Variants in SAG observed in about 807,000 individuals in gnomAD.
SAG encodes the protein S-antigen visual arrestin, also known as S-arrestin.
SAG carries 45 observed loss-of-function variants against 55.0 expected under a neutral mutation model. That is an observed-to-expected ratio of 0.82 (90% CI 0.64 to 1.05). The LOEUF (loss-of-function observed/expected upper bound fraction) is 1.05. Ranked by LOEUF, SAG falls within the 50% of genes least tolerant of loss-of-function variation. The pLI is 0.00. For missense variants in SAG, 455 were observed against 512.1 expected (o/e 0.89, Z 1.08); for synonymous variants, 189 against 197.4 (o/e 0.96, Z 0.36).
At chr2:233,341,679 G>A (rs530506363) in intron 13 of SAG, among the ~76,000 whole-genome samples, 106 of 152,350 alleles carry the variant, frequency 7.0e-4, no homozygotes, top group Non-Finnish European at 1.2e-3. Context: ...TAGTGGTTAT[G>A]CCAGGGACTA....
intron 4 of SAG, 115 bp from the exon 5 acceptor site, chr2:233,320,515 C>A: frequency 1.3e-6 from 1 of 746,288 alleles, no homozygotes; most frequent in South Asian, 2.0e-5. Flanking sequence ...CAATCCCAGC[C>A]CCTATCCCCT....
Position 233,328,602 on chromosome 2 carries a change from C to G in SAG, c.637C>G (p.Leu213Val), listed in dbSNP as rs1189373881. The change falls in exon 8 of 16, where the codon CTC (leucine) becomes GTC (valine). Residue 213 changes from leucine (L) to valine (V), a missense_variant. Coordinates refer to ENST00000409110, the MANE Select transcript of SAG (RefSeq NM_000541.5). ...CAAGCCCCTGCACCTTGCGGTCTCT[C>G]TCAACAAAGAGGTAACCACCTACCA... ...SDKPLHLAVS[L>V]NKEIYFHGEP... 2 of 1,611,680 alleles carry G rather than the reference C, an allele frequency of 1.2e-6. No homozygotes were observed. Among genetic ancestry groups the G allele is most frequent in the Admixed American group, 3.3e-5 (2 of 59,810 alleles).
At chr2:233,317,403 AC>A (rs1359784022) in intron 3 of SAG, among the ~76,000 whole-genome samples, 3 of 152,228 alleles carry the variant, frequency 2.0e-5, no homozygotes, top group Non-Finnish European at 4.4e-5. Flanking sequence ...ATTGGGAGAA[AC>A]TGGATGAAGG....
chr2:233,343,624 A>G lies in SAG; in HGVS notation c.1102+1298A>G, dbSNP rs751405952. ...ATTTGATCTCAATCATTCTCTTTCT[A>G]AAAAGGTAAATGAAGCAGCAAAAAT... On this transcript the variant is annotated intron_variant, in intron 14 of 15. Coordinates refer to ENST00000409110, the MANE Select transcript of SAG (RefSeq NM_000541.5). 3 of 1,200,182 alleles carry G rather than the reference A, an allele frequency of 2.5e-6. No homozygotes were observed. The South Asian group carries it at 4.0e-5, about 16-fold the overall frequency. 74.3% of individuals were successfully genotyped at this position (1,200,182 alleles called of 1,614,324 possible). A position where few individuals can be genotyped will look rare whatever the true frequency, so the allele number is the denominator to read the frequency against.
intron 3 of SAG, among the ~76,000 whole-genome samples, chr2:233,318,341 T>TG (rs1243629458): frequency 2.0e-5 from 3 of 151,854 alleles, no homozygotes; most frequent in South Asian, 4.2e-4. Context: ...ATTTTTTTTT[T>TG]TTGTTTTTTT....
intron 13 of SAG, among the ~76,000 whole-genome samples, chr2:233,341,177 T>C (rs1701090346): frequency 6.6e-6 from 1 of 152,178 alleles, no homozygotes; most frequent in Admixed American, 6.6e-5. Flanking sequence ...AGAGTCTTGC[T>C]CTGTTGCCCA....
In SAG at chr2:233,331,701, G is replaced by A; in HGVS notation, c.795G>A (p.Met265Ile). ...SSDYYVKPVA[M>I]EEAQEKVPPN... is the part of the protein sequence containing the mutation. ...ATTATTACGTCAAGCCCGTGGCTAT[G>A]GAGGAAGCGCAGTGAGTAGCTGTTG... The change falls in exon 10 of 16, where the codon ATG becomes ATA. Residue 265 changes from methionine (M) to isoleucine (I), a missense_variant. Met to Ile is a conservative substitution (Grantham distance 10). Coordinates refer to ENST00000409110, the MANE Select transcript of SAG (RefSeq NM_000541.5). The A allele has an allele frequency of 6.2e-7, 1 of 1,613,250 alleles. No homozygotes were observed. Among genetic ancestry groups the A allele is most frequent in the Non-Finnish European group, 8.5e-7 (1 of 1,179,294 alleles).
At chr2:233,326,727 C>T (rs1700570385) in intron 6 of SAG, among the ~76,000 whole-genome samples, 1 of 152,158 alleles carries the variant, frequency 6.6e-6, no homozygotes, top group Non-Finnish European at 1.5e-5. Flanking sequence ...CAGCGCTGGC[C>T]CTGTGAGTGC....
chr2:233,317,404 C>T (rs1030897585), intron 3 of SAG, among the ~76,000 whole-genome samples: 2 of 152,196 alleles, frequency 1.3e-5, no homozygotes, highest in African/African-American at 4.8e-5. Context: ...TTGGGAGAAA[C>T]TGGATGAAGG....
intron 13 of SAG, among the ~76,000 whole-genome samples, chr2:233,341,531 A>C (rs1303933849): frequency 6.6e-6 from 1 of 152,282 alleles, no homozygotes; most frequent in Non-Finnish European, 1.5e-5. Context: ...GTACTAGTAC[A>C]TGCTACAACA....
At chr2:233,323,322 G>A (rs1700443587) in intron 6 of SAG, among the ~76,000 whole-genome samples, 1 of 152,040 alleles carries the variant, frequency 6.6e-6, no homozygotes, top group Non-Finnish European at 1.5e-5. Context: ...GCCTCCCAAA[G>A]TGCTGGGATT....
intron 6 of SAG, 30 bp from the exon 7 acceptor site, chr2:233,327,091 C>G: frequency 1.3e-6 from 2 of 1,591,772 alleles, no homozygotes; most frequent in African/African-American, 1.3e-5. Flanking sequence ...AGTCGCTGAT[C>G]GCTGCCTGTC....
intron 2 of SAG, among the ~76,000 whole-genome samples, chr2:233,311,385 C>G (rs1050043086): frequency 6.6e-6 from 1 of 152,104 alleles, no homozygotes; most frequent in Non-Finnish European, 1.5e-5. Flanking sequence ...GGAAATCTTT[C>G]CCAAGACTCT....
intron 7 of SAG, chr2:233,327,811 A>G (rs575776781): frequency 1.3e-5 from 2 of 152,710 alleles, no homozygotes; most frequent in Non-Finnish European, 2.9e-5. Flanking sequence ...TGGCCTCCCA[A>G]AGTGCTGGGA....
intron 6 of SAG, among the ~76,000 whole-genome samples, chr2:233,326,015 G>A (rs895685069): frequency 1.3e-5 from 2 of 152,202 alleles, no homozygotes; most frequent in Admixed American, 6.5e-5. Flanking sequence ...CATGGACAGA[G>A]CTGGCTTCCT....
intron 14 of SAG, chr2:233,342,945 A>T (rs192245006): frequency 6.4e-4 from 101 of 157,464 alleles, no homozygotes; most frequent in Non-Finnish European, 1.1e-3. Context: ...TTTAGTAGAG[A>T]TGAGGTCTTG....
intron 13 of SAG, among the ~76,000 whole-genome samples, chr2:233,341,357 T>C (rs1457418074): frequency 6.6e-6 from 1 of 152,208 alleles, no homozygotes; most frequent in African/African-American, 2.4e-5. Flanking sequence ...TCTCAAATGT[T>C]TCTTAACTTG....
intron 15 of SAG, 108 bp downstream of exon 15, chr2:233,346,520 C>A (rs781303337): frequency 8.0e-7 from 1 of 1,246,042 alleles, no homozygotes; most frequent in Non-Finnish European, 1.2e-6. Context: ...GCTCTCCTGC[C>A]GGCTCAGGAG....
At chr2:233,331,581 GA>G in intron 9 of SAG, 58 bp from the exon 10 acceptor site, 1 of 1,109,186 alleles carries the variant, frequency 9.0e-7, no homozygotes, top group Non-Finnish European at 1.4e-6. Flanking sequence ...AGGCCGCAGG[GA>G]AAGTGCACGT....
Sources: allele counts gnomAD v4.1 joint callset (sites outside exome capture counted in the v4.1 genomes callset), GRCh38; gene constraint gnomAD v4.1.1; transcripts MANE v1.5; gene names NCBI Gene and HGNC (gene_info 2026-07-23, HGNC 2026-07-21).